The following TENM3 variants were observed in gnomAD, a reference collection of about 807,000 sequenced individuals.
TENM3 encodes the protein teneurin transmembrane protein 3.
TENM3 carries 63 observed loss-of-function variants against 255.1 expected under a neutral mutation model. The ratio of observed to expected loss-of-function variants is 0.25; its 90% CI spans 0.20 to 0.30. The LOEUF is 0.30. Among genes scored for constraint, TENM3 ranks in the 10% least tolerant of loss-of-function variants. The pLI is 1.00. For missense variants in TENM3, 2,929 were observed against 3,461.1 expected, an observed-to-expected ratio of 0.85 and a Z score of 3.86; for synonymous variants, 1,306 against 1,322.3, an observed-to-expected ratio of 0.99 and a Z score of 0.27.
intron 2 of TENM3, among the ~76,000 whole-genome samples, chr4:182,339,247 G>T (rs1205475169): frequency 6.6e-6 from 1 of 152,182 alleles, no homozygotes; most frequent in Non-Finnish European, 1.5e-5. Context: ...TGCTTAAAAT[G>T]ATTCATTTAG....
At chr4:181,759,279 A>C in the TENM3 span, among the ~76,000 whole-genome samples, 1 of 152,152 alleles carries the variant, frequency 6.6e-6, no homozygotes, top group Non-Finnish European at 1.5e-5. Flanking sequence ...TCATGTGATA[A>C]TAAGTGTAAA....
intron 8 of TENM3, among the ~76,000 whole-genome samples, 167 bp from the exon 9 acceptor site, chr4:182,680,081 G>A (rs1307950275): frequency 6.6e-6 from 1 of 152,154 alleles, no homozygotes; most frequent in Non-Finnish European, 1.5e-5. Flanking sequence ...AATTACCTTG[G>A]GAGAGGAGAA....
At chr4:182,071,382 C>T in the TENM3 span, among the ~76,000 whole-genome samples, 2 of 151,914 alleles carry the variant, frequency 1.3e-5, no homozygotes, top group African/African-American at 2.4e-5. Flanking sequence ...TCAAAGTGTG[C>T]TTAGTTCTTC....
chr4:182,416,187 G>T (rs896439837), intron 3 of TENM3, among the ~76,000 whole-genome samples: 1 of 151,988 alleles, frequency 6.6e-6, no homozygotes, highest in Non-Finnish European at 1.5e-5. Context: ...GTCTCCATCC[G>T]CATATCCATA....
the TENM3 span, among the ~76,000 whole-genome samples, chr4:181,605,596 A>AGAAAGAAAG: frequency 1.1e-4 from 14 of 131,294 alleles, 1 homozygote; most frequent in African/African-American, 3.7e-4. Flanking sequence ...AAAGAAAGAA[A>AGAAAGAAAG]GAAAGAAAGA....
chr4:182,260,936 C>T (rs1758742084), intron 1 of TENM3, among the ~76,000 whole-genome samples: 3 of 151,936 alleles, frequency 2.0e-5, no homozygotes, highest in Admixed American at 6.6e-5. Flanking sequence ...AGTGCAGAGG[C>T]GTGATCTCAG....
chr4:181,964,099 A>G, the TENM3 span, among the ~76,000 whole-genome samples: 1 of 151,186 alleles, frequency 6.6e-6, no homozygotes, highest in Non-Finnish European at 1.5e-5. Flanking sequence ...CTCTCCCAAA[A>G]GTCCCCGGGG....
At chr4:181,615,249 T>G in the TENM3 span, among the ~76,000 whole-genome samples, 37 of 152,286 alleles carry the variant, frequency 2.4e-4, no homozygotes, top group African/African-American at 7.9e-4. Context: ...AGCTCTCTAC[T>G]GTATTCTGAT....
the TENM3 span, among the ~76,000 whole-genome samples, chr4:182,031,241 G>A: frequency 6.6e-6 from 1 of 152,168 alleles, no homozygotes; most frequent in Non-Finnish European, 1.5e-5. Context: ...TAAGGTGTAA[G>A]GAAGGGGTCC....
chr4:182,307,147 A>AG (rs768516968), intron 1 of TENM3, among the ~76,000 whole-genome samples: 34 of 152,334 alleles, frequency 2.2e-4, no homozygotes, highest in Admixed American at 7.2e-4. Context: ...ACTTGTACAT[A>AG]CAGGATAATG....
chr4:182,304,299 GCCTC>G (rs1762011142), intron 1 of TENM3, among the ~76,000 whole-genome samples: 1 of 151,830 alleles, frequency 6.6e-6, no homozygotes, highest in Non-Finnish European at 1.5e-5. Context: ...TGCAACCTCT[GCCTC>G]CCGGGTTCAA....
the TENM3 span, among the ~76,000 whole-genome samples, chr4:181,506,188 A>G: frequency 6.6e-6 from 1 of 152,190 alleles, no homozygotes; most frequent in Admixed American, 6.5e-5. Context: ...TATCAATAAT[A>G]AAGAACAATA....
At chr4:181,998,339 C>G in the TENM3 span, among the ~76,000 whole-genome samples, 1 of 152,092 alleles carries the variant, frequency 6.6e-6, no homozygotes, top group Non-Finnish European at 1.5e-5. Flanking sequence ...CAGAGGCCAA[C>G]GCTGAAACAA....
chr4:182,185,208 G>A (rs542862577), intron 1 of TENM3, among the ~76,000 whole-genome samples: 2 of 151,996 alleles, frequency 1.3e-5, no homozygotes, highest in African/African-American at 2.4e-5. Flanking sequence ...TTCTTTTATC[G>A]ACATAGTCAT....
intron 23 of TENM3, 136 bp downstream of exon 23, chr4:182,773,783 A>G: frequency 1.5e-6 from 1 of 685,436 alleles, no homozygotes; most frequent in East Asian, 2.6e-5. Flanking sequence ...CATAATCTAC[A>G]GTGTACATGT....
chr4:181,806,329 C>A, the TENM3 span, among the ~76,000 whole-genome samples: 38,856 of 152,054 alleles, frequency 0.26, 5,394 homozygotes, highest in Non-Finnish European at 0.31. Context: ...TTAATTCTGC[C>A]CTTTATTTCC....
In TENM3 at chr4:182,180,113, A is replaced by G. The variant is rs550995353; in HGVS notation, c.-76+35359A>G. Among the ~76,000 whole-genome samples the G allele has an allele frequency of 5.0e-5, 7 of 139,558 alleles. No individual in the cohort carries two copies. The South Asian group carries it at 1.5e-3, about 30-fold the overall frequency. 91.6% of individuals were successfully genotyped at this position (139,558 alleles called of 152,430 possible). ...TTTAAATAAAACCTACTTTCAGGGT[A>G]AAAAAAAAATCGAAGAGTTTTTTTT... On this transcript the variant is annotated intron_variant, in intron 1 of 2. Coordinates refer to the TENM3 transcript ENST00000512480.
chr4:181,777,544 G>T, the TENM3 span, among the ~76,000 whole-genome samples: 21 of 152,076 alleles, frequency 1.4e-4, no homozygotes, highest in African/African-American at 5.1e-4. Flanking sequence ...CATGAACGTG[G>T]GATGACTTTC....
intron 1 of TENM3, among the ~76,000 whole-genome samples, chr4:182,249,793 T>A (rs189783435): frequency 1.3e-5 from 2 of 152,134 alleles, no homozygotes; most frequent in Admixed American, 1.3e-4. Context: ...GAGACTAGGT[T>A]TTGCTGTGTC....
Sources: gnomAD v4.1 joint callset for allele counts (sites outside exome capture counted in the v4.1 genomes callset) on GRCh38, gnomAD v4.1.1 for gene constraint, MANE v1.5 for transcripts, NCBI Gene and HGNC (gene_info 2026-07-23, HGNC 2026-07-21) for gene names.